The following LCOR variants were observed in gnomAD, a reference collection of about 807,000 sequenced individuals.
LCOR encodes ligand dependent nuclear receptor corepressor, also known as ligand-dependent corepressor.
In LCOR, 14 loss-of-function variants were observed where a neutral mutation model predicts 64.4. That is an observed-to-expected ratio of 0.22 (90% CI 0.14 to 0.34). The LOEUF is 0.34. Among genes scored for constraint, LCOR ranks in the 10% least tolerant of loss-of-function variants. The probability of loss-of-function intolerance (pLI) is 1.00; values close to 1 mark genes in which losing one functional copy is unlikely to be tolerated. For synonymous variants in LCOR, 643 were observed against 642.5 expected, an observed-to-expected ratio of 1.00 and a Z score of -0.01; for missense variants, 1,686 against 1,765.3, an observed-to-expected ratio of 0.96 and a Z score of 0.80.
intron 2 of LCOR, among the ~76,000 whole-genome samples, chr10:96,852,394 C>A (rs768054141): frequency 4.6e-5 from 7 of 152,164 alleles, no homozygotes; most frequent in Non-Finnish European, 7.3e-5. Context: ...GCTCTCCAGC[C>A]TGGGTGGCAG....
intron 4 of LCOR, among the ~76,000 whole-genome samples, chr10:96,930,873 T>A (rs1847248030): frequency 6.6e-6 from 1 of 152,196 alleles, no homozygotes; most frequent in Non-Finnish European, 1.5e-5. Context: ...CACCGAATGC[T>A]GTTGCCATGA....
intron 4 of LCOR, among the ~76,000 whole-genome samples, chr10:96,922,915 G>A (rs1255931692): frequency 6.6e-6 from 1 of 152,154 alleles, no homozygotes; most frequent in Non-Finnish European, 1.5e-5. Context: ...AGTGTGTCTA[G>A]TGTCAAACTT....
At chr10:96,837,630 A>AT (rs1174866878) in intron 2 of LCOR, among the ~76,000 whole-genome samples, 17 of 152,198 alleles carry the variant, frequency 1.1e-4, no homozygotes, top group Admixed American at 5.2e-4. Flanking sequence ...AAGCAAGCTC[A>AT]TTTGGAGGTT....
At chr10:96,955,786 G>T in intron 7 of LCOR, 1 of 1,614,232 alleles carries the variant, frequency 6.2e-7, no homozygotes, top group Non-Finnish European at 8.5e-7. Context: ...GTAAAGGAGA[G>T]GCTGGGCACT....
intron 4 of LCOR, among the ~76,000 whole-genome samples, chr10:96,939,618 T>A (rs963110278): frequency 6.6e-6 from 1 of 152,124 alleles, no homozygotes; most frequent in Non-Finnish European, 1.5e-5. Context: ...TCAGAATATA[T>A]CAAGAATTCT....
At chr10:96,939,526 C>T (rs1275506841) in intron 4 of LCOR, among the ~76,000 whole-genome samples, 2 of 152,112 alleles carry the variant, frequency 1.3e-5, no homozygotes, top group Non-Finnish European at 2.9e-5. Flanking sequence ...GCTAACAGTA[C>T]CATCAATACT....
At chr10:96,957,190 A>C in intron 7 of LCOR, 1 of 984,132 alleles carries the variant, frequency 1.0e-6, no homozygotes, top group Non-Finnish European at 1.2e-6. Context: ...TTTTTATTTA[A>C]TTTTGTTGGT....
chr10:96,977,110 C>G (rs1848046021), intron 7 of LCOR, among the ~76,000 whole-genome samples: 1 of 152,142 alleles, frequency 6.6e-6, no homozygotes, highest in African/African-American at 2.4e-5. Flanking sequence ...ATATCAGGAA[C>G]TAAGGAATAA....
intron 7 of LCOR, among the ~76,000 whole-genome samples, chr10:96,953,123 A>G (rs1172140080): frequency 1.3e-5 from 2 of 152,152 alleles, no homozygotes; most frequent in African/African-American, 4.8e-5. Flanking sequence ...AAAATTCCAA[A>G]ACTTTTCATT....
At chr10:96,953,354 C>T (rs980127034) in intron 7 of LCOR, among the ~76,000 whole-genome samples, 13 of 152,026 alleles carry the variant, frequency 8.6e-5, no homozygotes, top group Non-Finnish European at 1.3e-4. Context: ...GAGTTCGAGA[C>T]AAGCCTGGGC....
chr10:96,960,686 C>G (rs1847865073), intron 7 of LCOR: 1 of 152,000 alleles, frequency 6.6e-6, no homozygotes. Context: ...TTTGGTCAGG[C>G]TAGCATTACT....
intron 7 of LCOR, chr10:96,957,727 C>G: frequency 3.0e-6 from 3 of 985,358 alleles, no homozygotes; most frequent in Non-Finnish European, 3.6e-6. Context: ...TTTCCCTCAG[C>G]AACCTGTGTG....
intron 4 of LCOR, among the ~76,000 whole-genome samples, chr10:96,940,468 C>T (rs541594516): frequency 1.7e-4 from 20 of 120,698 alleles, no homozygotes; most frequent in Admixed American, 5.1e-4. Context: ...TGCGGCCTTC[C>T]GCAGTGTTTG....
At chr10:96,948,484 G>C (rs1847623909) in intron 5 of LCOR, among the ~76,000 whole-genome samples, 1 of 152,194 alleles carries the variant, frequency 6.6e-6, no homozygotes, top group Non-Finnish European at 1.5e-5. Flanking sequence ...GAACATTAAA[G>C]TGTGAGAATG....
intron 2 of LCOR, among the ~76,000 whole-genome samples, chr10:96,838,946 G>A (rs184647565): frequency 3.3e-5 from 5 of 152,262 alleles, no homozygotes; most frequent in Admixed American, 2.6e-4. Flanking sequence ...CATCAGTACT[G>A]TATGACAGTT....
chr10:96,951,333 T>C (rs1305042791), intron 6 of LCOR, among the ~76,000 whole-genome samples: 1 of 152,190 alleles, frequency 6.6e-6, no homozygotes, highest in Non-Finnish European at 1.5e-5. Flanking sequence ...TTCCAGGCTC[T>C]CATCAGTATC....
chr10:96,890,260 A>G (rs977573720), intron 2 of LCOR, among the ~76,000 whole-genome samples: 1 of 151,976 alleles, frequency 6.6e-6, no homozygotes, highest in Non-Finnish European at 1.5e-5. Flanking sequence ...CCTTTAAGAT[A>G]TTTTGTAGAG....
chr10:96,875,110 T>C (rs1339655998), intron 2 of LCOR, among the ~76,000 whole-genome samples: 1 of 150,262 alleles, frequency 6.7e-6, no homozygotes, highest in Non-Finnish European at 1.5e-5. Flanking sequence ...AATGGCCAGG[T>C]GTGGTGGCTC....
chr10:96,981,491 T>C lies in LCOR; in HGVS notation c.1031T>C (p.Phe344Ser), dbSNP rs746350416. Reference protein sequence around the residue: ...NTCIIPQRNLFKALSEEAWNS... With the variant: ...NTCIIPQRNLSKALSEEAWNS... ...TGTATTATTCCTCAAAGAAATTTGTTCAAAGCTTTATCAGAAGAGGCTTGG... is the reference window on the plus strand; with the variant it reads ...TGTATTATTCCTCAAAGAAATTTGTCCAAAGCTTTATCAGAAGAGGCTTGG... Residue 344 changes from phenylalanine (F) to serine (S), a missense_variant, in exon 8 of 8, where the codon TTC (phenylalanine) becomes TCC (serine). Transcript: ENST00000421806. The C allele has an allele frequency of 9.9e-6, 16 of 1,614,064 alleles. No homozygotes were observed. The highest frequency in any genetic ancestry group is 1.4e-5 in the Non-Finnish European group (16 of 1,180,032).
Sources: gnomAD v4.1 joint callset for allele counts (sites outside exome capture counted in the v4.1 genomes callset) on GRCh38, gnomAD v4.1.1 for gene constraint, MANE v1.5 for transcripts, NCBI Gene and HGNC (gene_info 2026-07-23, HGNC 2026-07-21) for gene names.